The following NAA35 variants were observed in gnomAD, a reference collection of about 807,000 sequenced individuals.
NAA35 encodes N-alpha-acetyltransferase 35, NatC auxiliary subunit.
In NAA35, 18 loss-of-function variants were observed where a neutral mutation model predicts 101.7. The ratio of observed to expected loss-of-function variants is 0.18; its 90% CI spans 0.12 to 0.26. NAA35 has a LOEUF of 0.26. NAA35 is among the 10% of genes least tolerant of loss of function. The pLI is 1.00. For synonymous variants in NAA35, 267 were observed against 273.1 expected (o/e 0.98, Z 0.22); for missense variants, 601 against 886.8 (o/e 0.68, Z 4.09).
chr9:85,950,805 A>G (rs914585003), intron 2 of NAA35, among the ~76,000 whole-genome samples: 1 of 152,202 alleles, frequency 6.6e-6, no homozygotes. Context: ...TGTGTTTATT[A>G]TAATTTAAAA....
intron 6 of NAA35, among the ~76,000 whole-genome samples, chr9:85,972,576 A>T (rs1466185636): frequency 6.6e-6 from 1 of 151,434 alleles, no homozygotes; most frequent in African/African-American, 2.4e-5. Flanking sequence ...AAAAACCTAA[A>T]TTTTTTTCTG....
chr9:85,983,231 C>T lies in NAA35; in HGVS notation c.877+4850C>T, dbSNP rs537976692. Reference sequence around the variant, plus strand: ...AAAGTTAAGTAGTCATTATTGTGACCTACTTTGATTCCCCATCTGCTCCTC... The same window carrying T: ...AAAGTTAAGTAGTCATTATTGTGACTTACTTTGATTCCCCATCTGCTCCTC... On this transcript the variant is annotated intron_variant, in intron 11 of 22. Coordinates refer to ENST00000361671, the MANE Select transcript of NAA35 (RefSeq NM_024635.4). Among the ~76,000 whole-genome samples the T allele has an allele frequency of 2.6e-5, 4 of 152,260 alleles. No homozygotes were observed. In the South Asian group the frequency reaches 8.3e-4, roughly 32 times the overall value.
chr9:86,008,377 C>T (rs1341439826), intron 14 of NAA35, among the ~76,000 whole-genome samples: 4 of 152,122 alleles, frequency 2.6e-5, no homozygotes, highest in Non-Finnish European at 5.9e-5. Flanking sequence ...GTTTCTTTTA[C>T]ATGGTGGTGT....
chr9:85,960,927 G>C (rs1829486996), intron 5 of NAA35, among the ~76,000 whole-genome samples: 2 of 152,170 alleles, frequency 1.3e-5, no homozygotes, highest in Admixed American at 6.5e-5. Flanking sequence ...TATATTGCAT[G>C]GGCATGACAA....
At chr9:85,974,244 C>T (rs1830121223) in intron 6 of NAA35, among the ~76,000 whole-genome samples, 1 of 152,166 alleles carries the variant, frequency 6.6e-6, no homozygotes. Context: ...TAGGCACGAG[C>T]CACCATGCCC....
At chr9:85,995,495 A>G (rs1831115748) in intron 11 of NAA35, among the ~76,000 whole-genome samples, 1 of 152,054 alleles carries the variant, frequency 6.6e-6, no homozygotes, top group African/African-American at 2.4e-5. Context: ...AACCTTGAGA[A>G]CATCTTTATT....
intron 2 of NAA35, among the ~76,000 whole-genome samples, chr9:85,951,640 T>G (rs1378232494): frequency 6.6e-6 from 1 of 152,194 alleles, no homozygotes; most frequent in Non-Finnish European, 1.5e-5. Flanking sequence ...GAATGTTCAA[T>G]AAGTTATGCA....
chr9:85,977,508 G>T, intron 10 of NAA35, 62 bp downstream of exon 10: 1 of 1,188,286 alleles, frequency 8.4e-7, no homozygotes. Flanking sequence ...ATTCCTGAGT[G>T]AAGCAGTTCT....
intron 6 of NAA35, among the ~76,000 whole-genome samples, chr9:85,971,054 G>A (rs1305978333): frequency 6.6e-6 from 1 of 152,052 alleles, no homozygotes; most frequent in African/African-American, 2.4e-5. Context: ...TTCACTACTC[G>A]CTTACTCTTA....
chr9:85,959,571 ATTATTATTT>A (rs1398033149), intron 4 of NAA35, among the ~76,000 whole-genome samples: 8 of 152,140 alleles, frequency 5.3e-5, no homozygotes, highest in African/African-American at 1.9e-4. Context: ...TGTTTTTACA[ATTATTATTT>A]GTCAATTAAA....
In NAA35 at chr9:86,011,920, CAT is replaced by C. The variant is rs528382794; in HGVS notation, c.1291-1122_1291-1121del. Among the ~76,000 whole-genome samples the C allele has an allele frequency of 5.6e-3, 757 of 134,840 alleles. 1 individual carries two copies. Among genetic ancestry groups the C allele is most frequent in the South Asian group, 0.012 (53 of 4,418 alleles). 88.5% of individuals were successfully genotyped at this position (134,840 alleles called of 152,430 possible). A position where few individuals can be genotyped will look rare whatever the true frequency, so the allele number is the denominator to read the frequency against. Reference sequence around the variant, plus strand: ...ATATATATTAATATATATTATATATCATATAATATATACTATAATATATAATA... The same window carrying C: ...ATATATATTAATATATATTATATATCATAATATATACTATAATATATAATA... On this transcript the variant is annotated intron_variant, in intron 15 of 22. Coordinates refer to ENST00000361671, the MANE Select transcript of NAA35 (RefSeq NM_024635.4).
In NAA35 at chr9:85,941,257, G is replaced by T; in HGVS notation, c.-22G>T. On this transcript the variant is annotated 5_prime_UTR_variant, in exon 1 of 23. Transcript: ENST00000361671. Reference sequence around the variant, plus strand: ...CCGGACAGTGCGTGGCGGCGCGGGTGACCACGGGAGAAGTAGGTAGGGACC... The same window carrying T: ...CCGGACAGTGCGTGGCGGCGCGGGTTACCACGGGAGAAGTAGGTAGGGACC... The T allele has an allele frequency of 2.0e-6, 2 of 985,830 alleles. No homozygotes were observed. The highest frequency in any genetic ancestry group is 9.3e-5 in the South Asian group (2 of 21,394). The allele number at this position is 985,830 out of a possible 1,614,324, so 61.1% of individuals were successfully genotyped here. A position where few individuals can be genotyped will look rare whatever the true frequency, so the allele number is the denominator to read the frequency against.
At chr9:85,963,620 G>A (rs747479335) in intron 6 of NAA35, among the ~76,000 whole-genome samples, 4 of 151,800 alleles carry the variant, frequency 2.6e-5, no homozygotes, top group Non-Finnish European at 2.9e-5. Context: ...TACAGTTGGT[G>A]GTTATTTACA....
intron 10 of NAA35, among the ~76,000 whole-genome samples, chr9:85,977,723 T>TA (rs1307856260): frequency 1.3e-5 from 2 of 152,194 alleles, no homozygotes; most frequent in Non-Finnish European, 2.9e-5. Context: ...AAGTAAAATT[T>TA]TAGGTAGGCC....
intron 6 of NAA35, among the ~76,000 whole-genome samples, chr9:85,963,263 C>CTTTT (rs527736196): frequency 3.1e-3 from 227 of 72,180 alleles, no homozygotes; most frequent in Non-Finnish European, 4.3e-3. Flanking sequence ...GAAGGTATGG[C>CTTTT]TTTTTTTTTT....
At chr9:85,958,423 A>C (rs776065505) in intron 3 of NAA35, 49 bp from the exon 4 acceptor site, 1 of 1,139,344 alleles carries the variant, frequency 8.8e-7, no homozygotes, top group South Asian at 1.4e-5. Context: ...AATATGAATA[A>C]GCTTACTGGC....
At chr9:85,985,691 T>C (rs1830618751) in intron 11 of NAA35, among the ~76,000 whole-genome samples, 1 of 152,062 alleles carries the variant, frequency 6.6e-6, no homozygotes, top group Non-Finnish European at 1.5e-5. Flanking sequence ...TCTGTTAATG[T>C]ATTAAAAAAA....
intron 1 of NAA35, 30 bp from the exon 2 acceptor site, chr9:85,942,125 C>T (rs757502829): frequency 7.5e-6 from 12 of 1,599,124 alleles, no homozygotes; most frequent in Non-Finnish European, 1.0e-5. Context: ...AAGCTACATC[C>T]TCTCTCTTAC....
intron 2 of NAA35, among the ~76,000 whole-genome samples, chr9:85,951,953 G>A (rs1042769970): frequency 2.6e-5 from 4 of 152,202 alleles, no homozygotes; most frequent in Non-Finnish European, 5.9e-5. Flanking sequence ...GTGAGCCACT[G>A]CGCCTGGCTA....
Sources: allele counts gnomAD v4.1 joint callset (sites outside exome capture counted in the v4.1 genomes callset), GRCh38; gene constraint gnomAD v4.1.1; transcripts MANE v1.5; gene names NCBI Gene and HGNC (gene_info 2026-07-23, HGNC 2026-07-21).